COG7: variants seen among roughly 807,000 people sequenced by gnomAD.
The protein encoded by COG7 is conserved oligomeric Golgi complex subunit 7.
In COG7, 49 loss-of-function variants were observed where a neutral mutation model predicts 91.5. That is an observed-to-expected ratio of 0.54 (90% confidence interval 0.43 to 0.68). The LOEUF is 0.68. Among genes scored for constraint, COG7 ranks in the 30% least tolerant of loss-of-function variants. COG7 has a pLI of 0.00. For missense variants in COG7, 895 were observed against 961.3 expected, an observed-to-expected ratio of 0.93 and a Z score of 0.91; for synonymous variants, 365 against 388.7, an observed-to-expected ratio of 0.94 and a Z score of 0.72.
intron 4 of COG7, among the ~76,000 whole-genome samples, chr16:23,436,833 C>T (rs1369145784): frequency 6.6e-6 from 1 of 152,220 alleles, no homozygotes; most frequent in African/African-American, 2.4e-5. Flanking sequence ...GGAACCCTTC[C>T]TGATGCTTGC....
At chr16:23,393,420 G>A in intron 14 of COG7, 73 bp from the exon 15 acceptor site, 1 of 1,170,098 alleles carries the variant, frequency 8.5e-7, no homozygotes, top group East Asian at 2.4e-5. Context: ...ACATTTGTGT[G>A]AAGGCAAACG....
intron 4 of COG7, among the ~76,000 whole-genome samples, chr16:23,436,020 T>G (rs1964008417): frequency 6.6e-6 from 1 of 152,152 alleles, no homozygotes; most frequent in Non-Finnish European, 1.5e-5. Flanking sequence ...GAGGACTGTT[T>G]GAGCCCAGGA....
Position 23,442,483 on chromosome 16 carries a change from C to T in COG7, c.598G>A (p.Ala200Thr). The change falls in exon 4 of 17, where the codon GCT becomes ACT. Residue 200 changes from alanine to threonine, a missense_variant. Physicochemically the swap from Ala to Thr is moderately conservative, Grantham distance 58. Coordinates refer to ENST00000307149, the MANE Select transcript of COG7 (RefSeq NM_153603.4). ...PQIVAAFTSQ[A>T]VDQSKVFVKV... is the part of the protein sequence containing the mutation. ...AGAAGCAGCTAGCACTCACCTACAG[C>T]CTGAGAGGTGAATGCCGCTACAATC... 5.6e-6 allele frequency: 9 copies of T among 1,613,906 alleles called. No individual in the cohort carries two copies. Among genetic ancestry groups the T allele is most frequent in the Non-Finnish European group, 6.8e-6 (8 of 1,179,978 alleles).
intron 7 of COG7, among the ~76,000 whole-genome samples, chr16:23,423,917 C>A (rs551094654): frequency 1.3e-5 from 2 of 152,312 alleles, no homozygotes; most frequent in Admixed American, 6.5e-5. Flanking sequence ...TGCTCTCAGT[C>A]GGCCACCGGG....
At chr16:23,400,598 A>AGGGAAAGAACAGCTGGAGT in intron 13 of COG7, among the ~76,000 whole-genome samples, 1 of 152,172 alleles carries the variant, frequency 6.6e-6, no homozygotes, top group African/African-American at 2.4e-5. Flanking sequence ...CAGAGGAGAG[A>AGGGAAAGAACAGCTGGAGT]GGGAAAGAAC....
intron 6 of COG7, among the ~76,000 whole-genome samples, chr16:23,428,339 A>G (rs1963881379): frequency 6.6e-6 from 1 of 151,984 alleles, no homozygotes; most frequent in South Asian, 2.1e-4. Context: ...ACAGAGCAAG[A>G]CTCTGTCTCA....
intron 3 of COG7, among the ~76,000 whole-genome samples, chr16:23,444,178 G>C (rs1439183644): frequency 1.3e-5 from 2 of 151,772 alleles, no homozygotes; most frequent in African/African-American, 2.4e-5. Flanking sequence ...GACTAAGGTG[G>C]GGGTCAGGGT....
intron 11 of COG7, 150 bp from the exon 12 acceptor site, chr16:23,406,412 C>T (rs1046070705): frequency 6.7e-6 from 5 of 743,302 alleles, no homozygotes; most frequent in African/African-American, 5.2e-5. Flanking sequence ...GAAAGGCTGC[C>T]CTTCATCATT....
In COG7 at chr16:23,388,771, A is replaced by G. The variant is rs1296203806; in HGVS notation, c.*149T>C. The G allele has an allele frequency of 2.1e-6, 3 of 1,416,456 alleles. No homozygotes were observed. Among genetic ancestry groups the G allele is most frequent in the Non-Finnish European group, 2.8e-6 (3 of 1,068,650 alleles). 87.7% of individuals were successfully genotyped at this position (1,416,456 alleles called of 1,614,324 possible). A position where few individuals can be genotyped will look rare whatever the true frequency, so the allele number is the denominator to read the frequency against. On this transcript the variant is annotated 3_prime_UTR_variant, in exon 17 of 17. Coordinates refer to ENST00000307149, the MANE Select transcript of COG7 (RefSeq NM_153603.4). ...TGGCTTGGCCTCCCAAAGTGCTGGG[A>G]TTACAGGCGTGAGCCACCGTGACCA...
intron 9 of COG7, chr16:23,416,723 A>T (rs1963660788): frequency 1.8e-6 from 1 of 563,104 alleles, no homozygotes; most frequent in African/African-American, 1.9e-5. Flanking sequence ...ACTGCTGCAC[A>T]AGTTTCCCTC....
intron 14 of COG7, among the ~76,000 whole-genome samples, chr16:23,396,400 C>T (rs780053509): frequency 3.3e-5 from 5 of 152,118 alleles, no homozygotes; most frequent in South Asian, 2.1e-4. Flanking sequence ...ATCATTCAGC[C>T]GGGCACAGTG....
chr16:23,417,134 T>A lies in COG7; in HGVS notation c.1138-13A>T, dbSNP rs1365855581. On this transcript the variant is annotated splice_polypyrimidine_tract_variant and intron_variant, in intron 8 of 16. Transcript: ENST00000307149. ...CTTCCCCATGCTCCTGGTCAGCAAA[T>A]ACAGACAAAGCTGCATTAGGCTTTA... 1 of 1,614,018 alleles carries A rather than the reference T, an allele frequency of 6.2e-7. No homozygotes were observed. Among genetic ancestry groups the A allele is most frequent in the African/African-American group, 1.3e-5 (1 of 74,924 alleles).
rs374601516 is a variant in COG7, at chr16:23,445,175, C to T, written c.319-11G>A. The T allele has an allele frequency of 4.6e-5, 73 of 1,592,322 alleles. No homozygotes were observed. Among genetic ancestry groups the T allele is most frequent in the Non-Finnish European group, 5.9e-5 (69 of 1,160,270 alleles). On this transcript the variant is annotated splice_polypyrimidine_tract_variant and intron_variant, in intron 2 of 16. Coordinates refer to ENST00000307149, the MANE Select transcript of COG7 (RefSeq NM_153603.4). ...AATTTCTACCAACACCTGAAAGAGG[C>T]GTGAGGGGTGAAAAATGAAGGGGTA...
intron 1 of COG7, among the ~76,000 whole-genome samples, chr16:23,450,249 A>G (rs1964245449): frequency 1.3e-5 from 2 of 151,912 alleles, no homozygotes; most frequent in South Asian, 2.1e-4. Context: ...TTGCTATTAT[A>G]TTATTATTAA....
In COG7 at chr16:23,398,101, G is replaced by T. The variant is rs1420238177; in HGVS notation, c.1832C>A (p.Thr611Asn). The T allele has an allele frequency of 1.2e-6, 2 of 1,614,156 alleles. No homozygotes were observed. Among genetic ancestry groups the T allele is most frequent in the Admixed American group, 1.7e-5 (1 of 60,018 alleles). Residue 611 changes from threonine (T) to asparagine (N), a missense_variant, in exon 14 of 17, where the codon ACC becomes AAC. Thr to Asn is a moderately conservative substitution (Grantham distance 65, BLOSUM62 0). Transcript: ENST00000307149. ...AAAGGCGGGCAGTTCATCTGTGAGG[G>T]TTTCTCCGATGCCAGCCGTATTCCA... is the stretch of plus-strand genomic sequence containing the variant. ...DSWNTAGIGETLTDELPAFSL... is the reference protein window; with the variant it reads ...DSWNTAGIGENLTDELPAFSL...
In COG7 at chr16:23,426,012, G is replaced by A. The variant is rs146483532; in HGVS notation, c.811-1065C>T. 8.2e-3 allele frequency among the ~76,000 whole-genome samples: 1,254 copies of A among 152,022 alleles called. 24 individuals are homozygous for A. The highest frequency in any genetic ancestry group is 0.029 in the African/African-American group (1,201 of 41,476). On this transcript the variant is annotated intron_variant, in intron 6 of 16. Coordinates refer to ENST00000307149, the MANE Select transcript of COG7 (RefSeq NM_153603.4). ...GTGGATCACTTGAGGTCATGAGTTC[G>A]AGACCAGCCTGACCAACATGGTCAA...
chr16:23,427,082 C>T (rs1963860919), intron 6 of COG7, among the ~76,000 whole-genome samples: 1 of 152,024 alleles, frequency 6.6e-6, no homozygotes, highest in East Asian at 1.9e-4. Context: ...GATCCTGTCT[C>T]TACAAAAAAT....
chr16:23,420,963 T>G (rs1022149912), intron 7 of COG7, among the ~76,000 whole-genome samples: 4 of 147,364 alleles, frequency 2.7e-5, no homozygotes, highest in African/African-American at 5.1e-5. Context: ...TTTCCAGAGC[T>G]GATCTTGAAC....
chr16:23,433,764 C>T (rs1224010641), intron 5 of COG7, 97 bp from the exon 6 acceptor site: 13 of 1,437,556 alleles, frequency 9.0e-6, no homozygotes, highest in African/African-American at 2.8e-5. Flanking sequence ...TCACGGATTG[C>T]TCAATGGGCT....
Sources: gnomAD v4.1 joint callset for allele counts (sites outside exome capture counted in the v4.1 genomes callset) on GRCh38, gnomAD v4.1.1 for gene constraint, MANE v1.5 for transcripts, NCBI Gene and HGNC (gene_info 2026-07-23, HGNC 2026-07-21) for gene names.